IRS2: variants seen among roughly 807,000 people sequenced by gnomAD.
IRS2 encodes insulin receptor substrate 2.
Under a neutral mutation model 70.9 loss-of-function variants are expected in IRS2, and 28 were observed. That is an observed-to-expected ratio of 0.39 (90% CI 0.29 to 0.54). IRS2 has a LOEUF of 0.54. Ranked by LOEUF, IRS2 falls within the 20% of genes least tolerant of loss-of-function variation. The pLI is 0.59. For synonymous variants in IRS2, 1,217 were observed against 981.9 expected (o/e 1.24, Z -4.48); for missense variants, 2,081 against 2,024.1 (o/e 1.03, Z -0.54).
At chr13:109,771,237 T>G (rs1877445050) in intron 1 of IRS2, among the ~76,000 whole-genome samples, 1 of 152,110 alleles carries the variant, frequency 6.6e-6, no homozygotes, top group Non-Finnish European at 1.5e-5. Flanking sequence ...GAATGCAAAT[T>G]CATGGATGTT....
chr13:109,784,969 C>A lies in IRS2; in HGVS notation c.1085G>T (p.Arg362Leu). The A allele has an allele frequency of 3.3e-6, 4 of 1,221,516 alleles. No homozygotes were observed. Among genetic ancestry groups the A allele is most frequent in the Non-Finnish European group, 3.1e-6 (3 of 981,170 alleles). 75.7% of individuals were successfully genotyped at this position (1,221,516 alleles called of 1,614,324 possible). The change falls in exon 1 of 2, where the codon CGC (arginine) becomes CTC (leucine). Residue 362 changes from arginine to leucine, a missense_variant. Arg to Leu is a moderately radical substitution (Grantham distance 102). Coordinates refer to ENST00000375856, the MANE Select transcript of IRS2 (RefSeq NM_003749.3). This position sits in a 1 kb window ranked among gnomAD's most constrained non-coding sequence, Gnocchi z 5.2. ...PAAKCSSCRV[R>L]TASEGDGGAA... ...GCCGCCGTCGCCCTCGCTGGCGGTG[C>A]GCACCCGGCACGAGCTGCACTTGGC...
intron 1 of IRS2, among the ~76,000 whole-genome samples, chr13:109,779,438 T>G (rs1186385603): frequency 6.6e-6 from 1 of 152,256 alleles, no homozygotes; most frequent in African/African-American, 2.4e-5. Context: ...TGATCTACTG[T>G]GAACTCTGTA....
intron 1 of IRS2, among the ~76,000 whole-genome samples, chr13:109,775,797 C>CA (rs1202447324): frequency 3.4e-5 from 5 of 146,170 alleles, no homozygotes; most frequent in African/African-American, 1.3e-4. Context: ...CACACACACA[C>CA]ACCAGCCCCA....
At chr13:109,767,073 G>C (rs1195197209) in intron 1 of IRS2, among the ~76,000 whole-genome samples, 1 of 152,214 alleles carries the variant, frequency 6.6e-6, no homozygotes, top group Admixed American at 6.5e-5. Flanking sequence ...GCTTTGGTCA[G>C]GGACATGGAG....
chr13:109,784,067 C>A lies in IRS2; in HGVS notation c.1987G>T (p.Ala663Ser). ...CTGCAGCTGCCGCTCCCACTGCCCG[C>A]GAGGGCCGCGCCGGGCGTCATGGGC... ...YMPMTPGAALAGSGSGSCRSD... is the reference protein window; with the variant it reads ...YMPMTPGAALSGSGSGSCRSD... The change falls in exon 1 of 2, where the codon GCG becomes TCG. Residue 663 changes from alanine to serine, a missense_variant. Physicochemically the swap from Ala to Ser is moderately conservative, Grantham distance 99. This residue lies in a region of IRS2 where 1,615 missense variants were observed against 1,459.5 expected (regional missense o/e 1.11). Transcript: ENST00000375856. This position sits in a 1 kb window ranked among gnomAD's most constrained non-coding sequence, Gnocchi z 5.2. 6.4e-7 allele frequency: 1 copy of A among 1,565,318 alleles called. No individual in the cohort carries two copies. Among genetic ancestry groups the A allele is most frequent in the South Asian group, 1.2e-5 (1 of 86,712 alleles).
Position 109,783,225 on chromosome 13 carries a change from G to C in IRS2, c.2829C>G (p.Ala943=), listed in dbSNP as rs1476682183. The change falls in exon 1 of 2, where the codon GCC becomes GCG. Residue 943 remains alanine, a synonymous_variant. Coordinates refer to ENST00000375856, the MANE Select transcript of IRS2 (RefSeq NM_003749.3). ...TGGCGGACAAGAGCGAGGAGGACGAGGCCGCCGACGCCAGCAGGGGAGGCG... is the reference window on the plus strand; with the variant it reads ...TGGCGGACAAGAGCGAGGAGGACGACGCCGCCGACGCCAGCAGGGGAGGCG... ...PPAPPLLASA[A]SSSSLLSASS... 1 of 1,441,960 alleles carries C rather than the reference G, an allele frequency of 6.9e-7. No individual in the cohort carries two copies. The highest frequency in any genetic ancestry group is 9.1e-7 in the Non-Finnish European group (1 of 1,100,524). The allele number at this position is 1,441,960 out of a possible 1,614,324, so 89.3% of individuals were successfully genotyped here. A position where few individuals can be genotyped will look rare whatever the true frequency, so the allele number is the denominator to read the frequency against.
At chr13:109,771,242 G>T (rs968129167) in intron 1 of IRS2, among the ~76,000 whole-genome samples, 4 of 151,914 alleles carry the variant, frequency 2.6e-5, no homozygotes, top group Non-Finnish European at 5.9e-5. Flanking sequence ...CAAATTCATG[G>T]ATGTTTATAT....
chr13:109,756,237 G>A lies in IRS2; in HGVS notation c.*67C>T. On this transcript the variant is annotated 3_prime_UTR_variant, in exon 2 of 2. Coordinates refer to ENST00000375856, the MANE Select transcript of IRS2 (RefSeq NM_003749.3). ...GCAAGCAGCTTCGGGCTGAAACAGT[G>A]CTGAGCGTCTTCTTTTAATGATACT... The A allele has an allele frequency of 7.4e-7, 1 of 1,354,968 alleles. No individual in the cohort carries two copies. Among genetic ancestry groups the A allele is most frequent in the Non-Finnish European group, 1.1e-6 (1 of 943,278 alleles). 83.9% of individuals were successfully genotyped at this position (1,354,968 alleles called of 1,614,324 possible).
chr13:109,772,145 G>A (rs1473736845), intron 1 of IRS2, among the ~76,000 whole-genome samples: 1 of 152,266 alleles, frequency 6.6e-6, no homozygotes, highest in Non-Finnish European at 1.5e-5. Context: ...TGGCCACTGA[G>A]ATGACGGGAT....
chr13:109,774,536 C>T (rs564364984), intron 1 of IRS2, among the ~76,000 whole-genome samples: 1 of 152,078 alleles, frequency 6.6e-6, no homozygotes, highest in Non-Finnish European at 1.5e-5. Context: ...TTGCTTGAGG[C>T]AAGGGTCTAG....
At position 109,786,493 on chromosome 13, in the gene IRS2, G is replaced by A; in HGVS notation, c.-440C>T. On this transcript the variant is annotated 5_prime_UTR_variant, in exon 1 of 2. Coordinates refer to ENST00000375856, the MANE Select transcript of IRS2 (RefSeq NM_003749.3). This position sits in a 1 kb window ranked among gnomAD's most constrained non-coding sequence, Gnocchi z 4.4. ...CGCCCGGGCGCTCGGGGTCCGCGCC[G>A]CCGCCGGGGCTGCTGCTGCTGCTGG... is the stretch of plus-strand genomic sequence containing the variant. 1 of 151,468 alleles carries A rather than the reference G, an allele frequency of 6.6e-6. No homozygotes were observed. The highest frequency in any genetic ancestry group is 1.5e-5 in the Non-Finnish European group (1 of 68,794). 9.4% of individuals were successfully genotyped at this position (151,468 alleles called of 1,614,324 possible).
Position 109,785,997 on chromosome 13 carries a change from G to A in IRS2, c.57C>T (p.Asn19=). 7.0e-7 allele frequency: 1 copy of A among 1,433,394 alleles called. No individual in the cohort carries two copies. The highest frequency in any genetic ancestry group is 9.1e-7 in the Non-Finnish European group (1 of 1,095,476). The allele number at this position is 1,433,394 out of a possible 1,614,324, so 88.8% of individuals were successfully genotyped here. A position where few individuals can be genotyped will look rare whatever the true frequency, so the allele number is the denominator to read the frequency against. Residue 19 remains asparagine, a synonymous_variant, in exon 1 of 2, where the codon AAC becomes AAT. Transcript: ENST00000375856. The surrounding 1 kb of genome is among the most constrained non-coding windows in gnomAD (Gnocchi z 9.3). The stretch of plus-strand genomic sequence containing the variant: ...TGTTGTTGTTGTTGTTGTTGTTGAG[G>A]TTGGGGCCGTCTCCGCTCGCCGGCC... ...PPGPASGDGP[N]LNNNNNNNNH...
chr13:109,775,753 AACACACAC>A (rs71127906), intron 1 of IRS2, among the ~76,000 whole-genome samples: 3,405 of 140,440 alleles, frequency 0.024, 93 homozygotes, highest in Admixed American at 0.1. Flanking sequence ...ATATTATGGA[AACACACAC>A]ACACACACAC....
chr13:109,769,344 C>T (rs1445722656), intron 1 of IRS2, among the ~76,000 whole-genome samples: 8 of 152,298 alleles, frequency 5.3e-5, no homozygotes, highest in Non-Finnish European at 7.4e-5. Flanking sequence ...ATCAGTAGCA[C>T]GGCTGGCCGG....
Position 109,784,662 on chromosome 13 carries a change from G to C in IRS2, c.1392C>G (p.Gly464=), listed in dbSNP as rs1877856268. Reference sequence around the variant, plus strand: ...GCGGATGCGGCAGAGGCGGGTGCGGGCCGGGCGGCGGCGGGTAGGAGCCCG... The same window carrying C: ...GCGGATGCGGCAGAGGCGGGTGCGGCCCGGGCGGCGGCGGGTAGGAGCCCG... The part of the protein sequence containing the change: ...HGSGSYPPPP[G]PHPPLPHPLH... The change falls in exon 1 of 2, where the codon GGC becomes GGG. Residue 464 remains glycine (G), a synonymous_variant. Transcript: ENST00000375856. The surrounding 1 kb of genome is among the most constrained non-coding windows in gnomAD (Gnocchi z 5.2). 16 of 1,246,800 alleles carry C rather than the reference G, an allele frequency of 1.3e-5. No individual in the cohort carries two copies. Among genetic ancestry groups the C allele is most frequent in the Non-Finnish European group, 1.5e-5 (15 of 998,360 alleles). The allele number at this position is 1,246,800 out of a possible 1,614,324, so 77.2% of individuals were successfully genotyped here.
intron 1 of IRS2, 109 bp downstream of exon 1, chr13:109,781,933 C>T (rs1877713994): frequency 4.0e-6 from 5 of 1,248,922 alleles, no homozygotes; most frequent in Non-Finnish European, 5.7e-6. Context: ...GCCAGGCTGT[C>T]GGCTTCTGGG....
At position 109,783,023 on chromosome 13, in the gene IRS2, A is replaced by C. The variant is rs1877768811; in HGVS notation, c.3031T>G (p.Ser1011Ala). 8 of 1,360,792 alleles carry C rather than the reference A, an allele frequency of 5.9e-6. No homozygotes were observed. Among genetic ancestry groups the C allele is most frequent in the Non-Finnish European group, 7.5e-6 (8 of 1,061,696 alleles). 84.3% of individuals were successfully genotyped at this position (1,360,792 alleles called of 1,614,324 possible). A position where few individuals can be genotyped will look rare whatever the true frequency, so the allele number is the denominator to read the frequency against. Residue 1011 changes from serine (S) to alanine (A), a missense_variant, in exon 1 of 2, where the codon TCC (serine) becomes GCC (alanine). This residue lies in a region of IRS2 where 1,615 missense variants were observed against 1,459.5 expected (regional missense o/e 1.11). Coordinates refer to ENST00000375856, the MANE Select transcript of IRS2 (RefSeq NM_003749.3). ...GGGGGCAACGGCGGATACGGGGAGGAGGCCTCGGGGGACAGGAGGCCGTCC... is the reference window on the plus strand; with the variant it reads ...GGGGGCAACGGCGGATACGGGGAGGCGGCCTCGGGGGACAGGAGGCCGTCC... The part of the protein sequence containing the change: ...SLDGLLSPEA[S>A]SPYPPLPPRP...
intron 1 of IRS2, among the ~76,000 whole-genome samples, chr13:109,780,154 T>C (rs2138927008): frequency 6.6e-6 from 1 of 152,312 alleles, no homozygotes; most frequent in Middle Eastern, 3.4e-3. Flanking sequence ...AGGTGTTATG[T>C]TCTTGGCTGT....
chr13:109,782,245 G>C lies in IRS2; in HGVS notation c.3809C>G (p.Pro1270Arg), dbSNP rs762228655. ...CGGCTGAGGAAGCGGCGGCGGCGGC[G>C]GCTGCGGCTGGGGTGGCAGCCCGGG... ...EEPGLPPQPQ[P>R]PPPPLPQPGD... Residue 1270 changes from proline (P) to arginine (R), a missense_variant, in exon 1 of 2, where the codon CCG becomes CGG. Physicochemically the swap from Pro to Arg is moderately radical, Grantham distance 103. Around this residue, in one of 4 missense-constraint regions of IRS2, gnomAD observed 1,615 missense variants for 1,459.5 expected, o/e 1.11. Coordinates refer to ENST00000375856, the MANE Select transcript of IRS2 (RefSeq NM_003749.3). 6.2e-7 allele frequency: 1 copy of C among 1,606,404 alleles called. No individual in the cohort carries two copies. The highest frequency in any genetic ancestry group is 1.1e-5 in the South Asian group (1 of 90,722).
Sources: gnomAD v4.1 joint callset for allele counts (sites outside exome capture counted in the v4.1 genomes callset) on GRCh38, gnomAD v4.1.1 for gene constraint, gnomAD v4.1.1 regional missense constraint, Gnocchi (gnomAD v3.1) non-coding constraint, MANE v1.5 for transcripts, NCBI Gene and HGNC (gene_info 2026-07-23, HGNC 2026-07-21) for gene names.